Variants in WDR70 observed in about 807,000 individuals in gnomAD.
The protein encoded by WDR70 is WD repeat-containing protein 70.
Under a neutral mutation model 88.6 loss-of-function variants are expected in WDR70, and 53 were observed. The observed-to-expected ratio is 0.60, with a 90% CI of 0.48 to 0.75. The LOEUF (loss-of-function observed/expected upper bound fraction) is 0.75, where lower values mean the gene tolerates loss of function less well. Among genes scored for constraint, WDR70 ranks in the 30% least tolerant of loss-of-function variants. The probability of loss-of-function intolerance (pLI) is 0.00; values close to 1 mark genes in which losing one functional copy is unlikely to be tolerated. For synonymous variants in WDR70, 280 were observed against 270.0 expected, an observed-to-expected ratio of 1.04 and a Z score of -0.36; for missense variants, 610 against 823.2, an observed-to-expected ratio of 0.74 and a Z score of 3.17.
chr5:37,701,544 C>T (rs1747162328), intron 12 of WDR70, among the ~76,000 whole-genome samples: 1 of 152,100 alleles, frequency 6.6e-6, no homozygotes, highest in Non-Finnish European at 1.5e-5. Flanking sequence ...AATCCCAGCA[C>T]TTTGGGAGGC....
At chr5:37,409,873 T>G (rs977398755) in intron 5 of WDR70, among the ~76,000 whole-genome samples, 8 of 152,292 alleles carry the variant, frequency 5.3e-5, no homozygotes, top group Admixed American at 3.9e-4. Flanking sequence ...TCACAACTAT[T>G]ATAATTCATT....
intron 7 of WDR70, among the ~76,000 whole-genome samples, chr5:37,455,170 T>G (rs1738792003): frequency 6.6e-6 from 1 of 152,144 alleles, no homozygotes; most frequent in African/African-American, 2.4e-5. Context: ...TTTTTAGTAT[T>G]GTAACATTGG....
chr5:37,654,269 A>C (rs946579257), intron 10 of WDR70, among the ~76,000 whole-genome samples: 16 of 152,162 alleles, frequency 1.1e-4, no homozygotes, highest in African/African-American at 3.4e-4. Context: ...TGATTTTCTT[A>C]ATCCTGAGTT....
intron 6 of WDR70, among the ~76,000 whole-genome samples, chr5:37,440,779 T>A (rs1418874862): frequency 6.6e-6 from 1 of 152,236 alleles, no homozygotes; most frequent in East Asian, 1.9e-4. Context: ...TTTTGTAATT[T>A]TGCTTTTTAA....
intron 3 of WDR70, among the ~76,000 whole-genome samples, chr5:37,390,088 A>T (rs1581243266): frequency 8.2e-6 from 1 of 121,428 alleles, no homozygotes; most frequent in African/African-American, 7.6e-5. Flanking sequence ...CAGGTTATTG[A>T]GGATGGTGGC....
intron 5 of WDR70, among the ~76,000 whole-genome samples, chr5:37,436,505 A>G (rs1451141541): frequency 2.0e-5 from 3 of 152,186 alleles, no homozygotes; most frequent in Admixed American, 6.6e-5. Context: ...CATGCTGTTG[A>G]AAGTTCGTGT....
rs750706149 is a variant in WDR70 at position 37,714,218 on chromosome 5, C to T, written c.1417-6897C>T. ...CTTAATGATTTCCAAGATCTGATTA[C>T]ATATATTTCTTATCTAGCAGTTAGA... On this transcript the variant is annotated intron_variant, in intron 13 of 17. Transcript: ENST00000265107. Among the ~76,000 whole-genome samples, 44 of 152,300 alleles carry T rather than the reference C, an allele frequency of 2.9e-4. 1 individual carries two copies. Among genetic ancestry groups the T allele is most frequent in the Admixed American group, 1.8e-3 (27 of 15,292 alleles).
At chr5:37,720,639 G>A (rs573508111) in intron 13 of WDR70, among the ~76,000 whole-genome samples, 1 of 152,238 alleles carries the variant, frequency 6.6e-6, no homozygotes, top group East Asian at 1.9e-4. Context: ...GCCTACAAAT[G>A]TGCATTGTTT....
chr5:37,528,262 A>C (rs1741363792), intron 9 of WDR70, among the ~76,000 whole-genome samples: 1 of 152,210 alleles, frequency 6.6e-6, no homozygotes, highest in South Asian at 2.1e-4. Context: ...GGATTAAGAA[A>C]ATGTGGCACA....
Position 37,569,342 on chromosome 5 carries a change from T to G in WDR70, c.918-35722T>G, listed in dbSNP as rs889137003. On this transcript the variant is annotated intron_variant, in intron 9 of 17. Coordinates refer to ENST00000265107, the MANE Select transcript of WDR70 (RefSeq NM_018034.4). ...GTCACTTGCTGCTTTCTCAGAAAAT[T>G]GTCCTGAATGATATTTTTGCAAAAT... Among the ~76,000 whole-genome samples, 3 of 152,162 alleles carry G rather than the reference T, an allele frequency of 2.0e-5. No homozygotes were observed. The South Asian group carries it at 6.2e-4, about 32-fold the overall frequency.
At chr5:37,437,795 T>C (rs1750516344) in intron 5 of WDR70, 127 bp from the exon 6 acceptor site, 1 of 873,434 alleles carries the variant, frequency 1.1e-6, no homozygotes, top group African/African-American at 1.7e-5. Flanking sequence ...TTTGCTGTTT[T>C]TTTAAGCTTT....
At chr5:37,645,725 ACTTT>A (rs1404072323) in intron 10 of WDR70, among the ~76,000 whole-genome samples, 2 of 151,868 alleles carry the variant, frequency 1.3e-5, no homozygotes, top group African/African-American at 4.8e-5. Context: ...TTATGTAGTG[ACTTT>A]CTTTGTCTCT....
At position 37,730,403 on chromosome 5, in the gene WDR70, A is replaced by C. The variant is rs372586827; in HGVS notation, c.1877+3358A>C. On this transcript the variant is annotated intron_variant, in intron 17 of 17. Transcript: ENST00000265107. ...AGGTATGATTGATTTAAAGATTTGT[A>C]TATATTTTGGTGTATAACTTGATAT... is the stretch of plus-strand genomic sequence containing the variant. 3.0e-4 allele frequency among the ~76,000 whole-genome samples: 45 copies of C among 152,184 alleles called. 2 individuals are homozygous for C. The South Asian group carries it at 9.1e-3, about 31-fold the overall frequency.
chr5:37,534,428 C>A (rs1741595132), intron 9 of WDR70, among the ~76,000 whole-genome samples: 1 of 151,014 alleles, frequency 6.6e-6, no homozygotes, highest in Non-Finnish European at 1.5e-5. Context: ...CTGTCCAAAT[C>A]ATTGATTTCA....
intron 10 of WDR70, among the ~76,000 whole-genome samples, chr5:37,655,882 C>A (rs1745540280): frequency 6.6e-6 from 1 of 151,974 alleles, no homozygotes; most frequent in African/African-American, 2.4e-5. Context: ...TGGGTTAGAA[C>A]ATGCTCGTTT....
intron 8 of WDR70, among the ~76,000 whole-genome samples, chr5:37,513,214 A>T (rs888465964): frequency 6.6e-6 from 1 of 152,248 alleles, no homozygotes; most frequent in Admixed American, 6.5e-5. Context: ...GGAAATGCAC[A>T]GGTACTAAGG....
At chr5:37,485,131 T>C (rs4315950) in intron 8 of WDR70, among the ~76,000 whole-genome samples, 6,187 of 152,292 alleles carry the variant, frequency 0.041, 211 homozygotes, top group Admixed American at 0.061. Context: ...TGAACCTTTG[T>C]TTTAATTCTG....
intron 9 of WDR70, among the ~76,000 whole-genome samples, chr5:37,572,655 T>C (rs1742942328): frequency 6.6e-6 from 1 of 152,138 alleles, no homozygotes; most frequent in African/African-American, 2.4e-5. Flanking sequence ...CCTCTAAAAA[T>C]ACATATTGAA....
intron 7 of WDR70, among the ~76,000 whole-genome samples, chr5:37,457,000 A>C (rs1176563069): frequency 6.6e-6 from 1 of 152,248 alleles, no homozygotes; most frequent in Non-Finnish European, 1.5e-5. Context: ...TATTACCTGT[A>C]AGACTGGCAA....
Sources: gnomAD v4.1 joint callset for allele counts (sites outside exome capture counted in the v4.1 genomes callset) on GRCh38, gnomAD v4.1.1 for gene constraint, MANE v1.5 for transcripts, NCBI Gene and HGNC (gene_info 2026-07-23, HGNC 2026-07-21) for gene names.